XRCC4: variants seen among roughly 807,000 people sequenced by gnomAD.
XRCC4 encodes the protein DNA repair protein XRCC4.
Under a neutral mutation model 39.1 loss-of-function variants are expected in XRCC4, and 28 were observed. That is an observed-to-expected ratio of 0.72 (90% CI 0.53 to 0.98). XRCC4 has a LOEUF of 0.98. Ranked by LOEUF, XRCC4 falls within the 50% of genes least tolerant of loss-of-function variation. The pLI is 0.00. For synonymous variants in XRCC4, 123 were observed against 126.4 expected, an observed-to-expected ratio of 0.97 and a Z score of 0.18; for missense variants, 350 against 376.4, an observed-to-expected ratio of 0.93 and a Z score of 0.58.
intron 7 of XRCC4, among the ~76,000 whole-genome samples, chr5:83,267,335 T>G (rs1753991446): frequency 6.6e-6 from 1 of 152,166 alleles, no homozygotes; most frequent in Non-Finnish European, 1.5e-5. Context: ...AGCATCCCCT[T>G]ATTTCCTTTA....
At chr5:83,150,215 G>A (rs1748639389) in intron 3 of XRCC4, among the ~76,000 whole-genome samples, 1 of 152,030 alleles carries the variant, frequency 6.6e-6, no homozygotes, top group Non-Finnish European at 1.5e-5. Flanking sequence ...TGTATTGTCT[G>A]TGTTTTGCCA....
At chr5:83,094,759 C>G (rs1745598473) in intron 1 of XRCC4, among the ~76,000 whole-genome samples, 1 of 151,738 alleles carries the variant, frequency 6.6e-6, no homozygotes, top group South Asian at 2.1e-4. Context: ...AATCATAGTT[C>G]ACCATAGCTT....
intron 4 of XRCC4, among the ~76,000 whole-genome samples, chr5:83,202,703 A>G (rs1751259131): frequency 6.6e-6 from 1 of 152,194 alleles, no homozygotes; most frequent in Non-Finnish European, 1.5e-5. Context: ...ATGAAACAAC[A>G]TTGAAAAGAA....
chr5:83,327,074 G>C (rs1201978562), intron 7 of XRCC4, among the ~76,000 whole-genome samples: 1 of 152,048 alleles, frequency 6.6e-6, no homozygotes, highest in East Asian at 1.9e-4. Context: ...TTATTGAAGT[G>C]TAATTAACAT....
intron 6 of XRCC4, among the ~76,000 whole-genome samples, chr5:83,207,620 A>G (rs1211912037): frequency 6.6e-6 from 1 of 152,066 alleles, no homozygotes; most frequent in African/African-American, 2.4e-5. Flanking sequence ...TCTCATCTCA[A>G]ATGCTTGACA....
At chr5:83,145,577 G>T (rs1037652948) in intron 3 of XRCC4, among the ~76,000 whole-genome samples, 4 of 152,168 alleles carry the variant, frequency 2.6e-5, no homozygotes, top group African/African-American at 9.7e-5. Context: ...TTCATTTAGA[G>T]TTTAGCAAGA....
chr5:83,117,130 A>G (rs930017998), intron 3 of XRCC4, among the ~76,000 whole-genome samples: 4 of 152,156 alleles, frequency 2.6e-5, no homozygotes, highest in African/African-American at 9.7e-5. Flanking sequence ...ATTTGAATAA[A>G]TGTTGGGCGA....
rs1393788849 is a variant in XRCC4 at position 83,253,466 on chromosome 5, T to TA, written c.746-5062dup. Reference sequence around the variant, plus strand: ...TAAGCTACATTGCCACAACTGTGAATAACATGCTTCACTACATTGGGGTGT... The same window carrying TA: ...TAAGCTACATTGCCACAACTGTGAATAAACATGCTTCACTACATTGGGGTGT... On this transcript the variant is annotated intron_variant, in intron 6 of 7. Transcript: ENST00000396027. 2.0e-5 allele frequency among the ~76,000 whole-genome samples: 3 copies of TA among 151,632 alleles called. No individual in the cohort carries two copies. The East Asian group carries it at 5.9e-4, about 30-fold the overall frequency.
At chr5:83,223,233 T>C (rs959436163) in intron 6 of XRCC4, among the ~76,000 whole-genome samples, 28 of 152,082 alleles carry the variant, frequency 1.8e-4, no homozygotes, top group Admixed American at 1.3e-4. Context: ...CTGTGTTTGG[T>C]TTTTGGCCTA....
At chr5:83,265,859 C>A (rs374612017) in intron 7 of XRCC4, among the ~76,000 whole-genome samples, 2 of 137,258 alleles carry the variant, frequency 1.5e-5, no homozygotes, top group Non-Finnish European at 2.9e-5. Flanking sequence ...ATAAATATTT[C>A]GATGTTTATA....
chr5:83,282,799 G>A (rs765950397), intron 7 of XRCC4, among the ~76,000 whole-genome samples: 10 of 151,944 alleles, frequency 6.6e-5, no homozygotes, highest in African/African-American at 1.9e-4. Flanking sequence ...CCGAGATTGC[G>A]CCACTGCACT....
the XRCC4 span, among the ~76,000 whole-genome samples, chr5:83,365,620 T>C: frequency 6.6e-6 from 1 of 152,160 alleles, no homozygotes; most frequent in African/African-American, 2.4e-5. Flanking sequence ...AGAGATACCA[T>C]TCAATTTTTG....
chr5:83,310,853 A>T (rs891170829), intron 7 of XRCC4: 2 of 456,554 alleles, frequency 4.4e-6, no homozygotes, highest in African/African-American at 2.0e-5. Context: ...GAGAGAAAAG[A>T]TGCTAAGCTG....
At chr5:83,130,438 G>A (rs990957100) in intron 3 of XRCC4, among the ~76,000 whole-genome samples, 8 of 151,738 alleles carry the variant, frequency 5.3e-5, no homozygotes, top group African/African-American at 1.7e-4. Context: ...TCTTTTTTTG[G>A]TTGTGTCTCT....
At chr5:83,134,771 C>T (rs1043816928) in intron 3 of XRCC4, among the ~76,000 whole-genome samples, 21 of 152,168 alleles carry the variant, frequency 1.4e-4, no homozygotes, top group African/African-American at 4.6e-4. Flanking sequence ...TGGGTTCGCT[C>T]TGCCTTTATG....
intron 7 of XRCC4, among the ~76,000 whole-genome samples, chr5:83,351,473 A>T (rs1026338196): frequency 2.6e-5 from 4 of 152,190 alleles, no homozygotes; most frequent in Admixed American, 6.6e-5. Context: ...ACTCTAAGAC[A>T]TTTTGGCCAG....
chr5:83,090,332 A>T (rs1434888480), intron 1 of XRCC4, among the ~76,000 whole-genome samples: 2 of 120,480 alleles, frequency 1.7e-5, no homozygotes, highest in Non-Finnish European at 3.5e-5. Flanking sequence ...TGGTTTTATA[A>T]GGTGGTGGGG....
intron 3 of XRCC4, among the ~76,000 whole-genome samples, chr5:83,156,698 G>C (rs1219959367): frequency 2.6e-5 from 4 of 152,010 alleles, no homozygotes; most frequent in African/African-American, 9.7e-5. Context: ...TGTTAATATG[G>C]CAGAAAGCAT....
At chr5:83,127,243 G>A (rs115976623) in intron 3 of XRCC4, among the ~76,000 whole-genome samples, 2,375 of 152,130 alleles carry the variant, frequency 0.016, 56 homozygotes, top group African/African-American at 0.053. Flanking sequence ...ATTTGTGTGT[G>A]GAAAACTTAA....
Sources: allele counts gnomAD v4.1 joint callset (sites outside exome capture counted in the v4.1 genomes callset), GRCh38; gene constraint gnomAD v4.1.1; transcripts MANE v1.5; gene names NCBI Gene and HGNC (gene_info 2026-07-23, HGNC 2026-07-21).